The following CD48 variants were observed in gnomAD, a reference collection of about 807,000 sequenced individuals.
The protein encoded by CD48 is CD48 molecule.
CD48 carries 20 observed loss-of-function variants against 22.0 expected under a neutral mutation model. The ratio of observed to expected loss-of-function variants is 0.91; its 90% CI spans 0.64 to 1.32. The LOEUF (loss-of-function observed/expected upper bound fraction) is 1.32. Among genes scored for constraint, CD48 ranks in the 40% most tolerant of loss-of-function variants. The pLI is 0.00. For synonymous variants in CD48, 110 were observed against 110.1 expected (o/e 1.00, Z 0.01); for missense variants, 307 against 286.5 (o/e 1.07, Z -0.52).
intron 1 of CD48, among the ~76,000 whole-genome samples, chr1:160,687,446 A>T (rs1423253175): frequency 6.6e-6 from 1 of 152,238 alleles, no homozygotes; most frequent in African/African-American, 2.4e-5. Flanking sequence ...TGGGGAAGTG[A>T]TAAGTGTCCA....
At position 160,710,491 on chromosome 1, in the gene CD48, A is replaced by C. The variant is rs542757953; in HGVS notation, c.82+1191T>G. The stretch of plus-strand genomic sequence containing the variant: ...AGGTGTGGTCTGATTGTTTCAAAGA[A>C]GAATAAATGACCAAGATGAAGCCTA... On this transcript the variant is annotated intron_variant, in intron 1 of 3. Coordinates refer to ENST00000368046, the MANE Select transcript of CD48 (RefSeq NM_001778.4). Among the ~76,000 whole-genome samples, 3 of 152,340 alleles carry C rather than the reference A, an allele frequency of 2.0e-5. No homozygotes were observed. The South Asian group carries it at 6.2e-4, about 32-fold the overall frequency.
chr1:160,681,596 A>T, intron 2 of CD48, 128 bp from the exon 3 acceptor site: 1 of 1,211,322 alleles, frequency 8.3e-7, no homozygotes, highest in Non-Finnish European at 1.2e-6. Context: ...CATGAAGAAG[A>T]AGTTCTACAG....
intron 1 of CD48, among the ~76,000 whole-genome samples, chr1:160,690,760 G>A (rs958335132): frequency 2.0e-5 from 3 of 152,200 alleles, no homozygotes; most frequent in African/African-American, 7.2e-5. Context: ...TTAGTGGCAT[G>A]TACAACATAA....
At position 160,711,730 on chromosome 1, in the gene CD48, G is replaced by A. The variant is rs770978846; in HGVS notation, c.34C>T (p.Leu12=). Residue 12 remains leucine, a synonymous_variant, in exon 1 of 4, where the codon CTG becomes TTG. Coordinates refer to ENST00000368046, the MANE Select transcript of CD48 (RefSeq NM_001778.4). ...CSRGWDSCLA[L]ELLLLPLSLL... ...GACAGAGGCAGCAGTAGCAATTCCA[G>A]AGCCAGACACGAATCCCAACCTCTG... The A allele has an allele frequency of 3.7e-6, 6 of 1,613,678 alleles. No homozygotes were observed. In the African/African-American group the frequency reaches 6.7e-5, roughly 18 times the overall value.
At chr1:160,680,921 G>A in intron 3 of CD48, 1 of 1,428,730 alleles carries the variant, frequency 7.0e-7, no homozygotes, top group Non-Finnish European at 9.1e-7. Context: ...CAGATGTTAG[G>A]ACTATGCTTT....
chr1:160,690,399 C>T lies in CD48; in HGVS notation c.83-5210G>A, dbSNP rs116574274. Among the ~76,000 whole-genome samples the T allele has an allele frequency of 5.2e-3, 790 of 152,308 alleles. 6 individuals carry two copies. Among genetic ancestry groups the T allele is most frequent in the African/African-American group, 0.018 (757 of 41,558 alleles). On this transcript the variant is annotated intron_variant, in intron 1 of 3. Coordinates refer to ENST00000368046, the MANE Select transcript of CD48 (RefSeq NM_001778.4). ...TTGCCATCAAGCATTAGGAGTTAGG[C>T]CTCTAGGCTTAACACCAGGTTCCTG...
rs2295615 is a variant in CD48, at chr1:160,684,968, C to A, written c.304G>T (p.Glu102Ter). The A allele has an allele frequency of 6.2e-7, 1 of 1,614,096 alleles. No individual in the cohort carries two copies. The highest frequency in any genetic ancestry group is 1.1e-5 in the South Asian group (1 of 91,086). Reference sequence around the variant, plus strand: ...CTCATGATGTAGGTGCTGTTGTCCTCTTTCTGGACCTTAGAGATGTACAGT... The same window carrying A: ...CTCATGATGTAGGTGCTGTTGTCCTATTTCTGGACCTTAGAGATGTACAGT... ...GALYISKVQK[E>*]DNSTYIMRVL... The change falls in exon 2 of 4, where the codon GAG (glutamate) becomes TAG (stop). Residue 102 changes from glutamate to a stop codon, truncating the protein, a stop_gained. Transcript: ENST00000368046. LOFTEE classifies it high-confidence loss of function.
At chr1:160,711,555 G>A (rs1229363718) in intron 1 of CD48, 127 bp downstream of exon 1, 4 of 693,698 alleles carry the variant, frequency 5.8e-6, no homozygotes, top group Non-Finnish European at 1.0e-5. Context: ...CCATGCTATT[G>A]GAATGGAAAT....
chr1:160,691,909 A>G (rs2102415695), intron 1 of CD48: 1 of 297,310 alleles, frequency 3.4e-6, no homozygotes, highest in Middle Eastern at 9.7e-4. Flanking sequence ...GGGGCAAACT[A>G]AAACTAAAAG....
chr1:160,683,355 T>C (rs915406811), intron 2 of CD48, among the ~76,000 whole-genome samples: 1 of 152,216 alleles, frequency 6.6e-6, no homozygotes, highest in Non-Finnish European at 1.5e-5. Context: ...CTGGAAATCT[T>C]ACCCTCAGGC....
intron 3 of CD48, among the ~76,000 whole-genome samples, chr1:160,679,722 T>C (rs945432324): frequency 6.6e-6 from 1 of 152,028 alleles, no homozygotes; most frequent in African/African-American, 2.4e-5. Context: ...ATAATTTCGG[T>C]GACTAAAAAG....
intron 1 of CD48, among the ~76,000 whole-genome samples, chr1:160,693,344 G>A (rs956641036): frequency 1.3e-5 from 2 of 152,272 alleles, no homozygotes; most frequent in Non-Finnish European, 2.9e-5. Context: ...CGCCAATCCT[G>A]AGTGTCAATC....
intron 3 of CD48, chr1:160,680,878 A>G (rs890945187): frequency 7.3e-7 from 1 of 1,363,622 alleles, no homozygotes; most frequent in East Asian, 2.7e-5. Flanking sequence ...GCTCACCCTG[A>G]TGTTTCAGTC....
chr1:160,701,525 C>G (rs1396553362), intron 1 of CD48, among the ~76,000 whole-genome samples: 18 of 152,012 alleles, frequency 1.2e-4, no homozygotes, highest in Non-Finnish European at 2.5e-4. Context: ...TAACCTAAAC[C>G]AGCCCTGTTT....
At position 160,680,647 on chromosome 1, in the gene CD48, A is replaced by G; in HGVS notation, c.652+555T>C. ...AGGAGACAGGGGAATCTGGCTTCCT[A>G]AGTTCATCTAGGAACATCAGGCTGG... On this transcript the variant is annotated intron_variant, in intron 3 of 3. Coordinates refer to ENST00000368046, the MANE Select transcript of CD48 (RefSeq NM_001778.4). 6 of 1,008,016 alleles carry G rather than the reference A, an allele frequency of 6.0e-6. No individual in the cohort carries two copies. In the South Asian group the frequency reaches 1.6e-4, roughly 27 times the overall value. 62.4% of individuals were successfully genotyped at this position (1,008,016 alleles called of 1,614,324 possible).
intron 1 of CD48, among the ~76,000 whole-genome samples, chr1:160,710,772 C>T (rs565748535): frequency 5.3e-5 from 8 of 152,244 alleles, no homozygotes; most frequent in African/African-American, 1.9e-4. Flanking sequence ...AGAGACCGAT[C>T]CTCCACACAT....
At chr1:160,690,800 G>C (rs12143827) in intron 1 of CD48, among the ~76,000 whole-genome samples, 45,002 of 152,052 alleles carry the variant, frequency 0.3, 7,321 homozygotes, top group Non-Finnish European at 0.38. Context: ...GGAAAAGCAA[G>C]AGAGGTCAGA....
chr1:160,694,643 A>T (rs1571061865), intron 1 of CD48, among the ~76,000 whole-genome samples: 1 of 152,152 alleles, frequency 6.6e-6, no homozygotes, highest in African/African-American at 2.4e-5. Context: ...TCAAAAAATC[A>T]TGACCAAGAT....
chr1:160,704,832 G>A (rs1571072500), intron 1 of CD48, among the ~76,000 whole-genome samples: 1 of 151,490 alleles, frequency 6.6e-6, no homozygotes, highest in South Asian at 2.1e-4. Context: ...TAAGCCTCAG[G>A]TCATTTTTAA....
Sources: gnomAD v4.1 joint callset for allele counts (sites outside exome capture counted in the v4.1 genomes callset) on GRCh38, gnomAD v4.1.1 for gene constraint, MANE v1.5 for transcripts, NCBI Gene and HGNC (gene_info 2026-07-23, HGNC 2026-07-21) for gene names.